The following SLC17A3 variants were observed in gnomAD, a reference collection of about 807,000 sequenced individuals.
SLC17A3 encodes the protein sodium-dependent phosphate transport protein 4.
In SLC17A3, 61 loss-of-function variants were observed where a neutral mutation model predicts 60.3. The ratio of observed to expected loss-of-function variants is 1.01; its 90% CI spans 0.82 to 1.25. SLC17A3 has a LOEUF of 1.25. Ranked by LOEUF, SLC17A3 falls within the 50% of genes most tolerant of loss-of-function variation. The pLI, the probability that SLC17A3 is intolerant of heterozygous loss-of-function variation, is 0.00. For synonymous variants in SLC17A3, 192 were observed against 208.9 expected, an observed-to-expected ratio of 0.92 and a Z score of 0.70; for missense variants, 624 against 594.9, an observed-to-expected ratio of 1.05 and a Z score of -0.51.
At chr6:25,850,919 C>A in intron 6 of SLC17A3, 42 bp from the exon 7 acceptor site, 1 of 1,443,522 alleles carries the variant, frequency 6.9e-7, no homozygotes, top group Non-Finnish European at 9.8e-7. Context: ...CTGTTTTCTG[C>A]TTTTTGGGTG....
chr6:25,861,986 A>T lies in SLC17A3; in HGVS notation c.347T>A (p.Phe116Tyr), dbSNP rs1389986664. Residue 116 changes from phenylalanine to tyrosine, a missense_variant, in exon 4 of 13, where the codon TTT becomes TAT. Coordinates refer to ENST00000397060, the MANE Select transcript of SLC17A3 (RefSeq NM_001098486.2). ...DWSPQIQGII[F>Y]GAVGYGGILT... ...TATGCCACCATAGCCAACAGCACCA[A>T]AGATGATGCCTTGGATTTGAGGAGA... The T allele has an allele frequency of 1.2e-6, 2 of 1,611,288 alleles. No homozygotes were observed. The highest frequency in any genetic ancestry group is 3.4e-5 in the Admixed American group (2 of 59,582).
At chr6:25,862,813 AAT>A (rs1280020527) in intron 2 of SLC17A3, among the ~76,000 whole-genome samples, 3 of 151,890 alleles carry the variant, frequency 2.0e-5, no homozygotes, top group African/African-American at 7.2e-5. Flanking sequence ...TATACATATG[AAT>A]ATGTGCACAT....
In SLC17A3 at chr6:25,845,539, A is replaced by G. The variant is rs1014510363; in HGVS notation, c.1363-23T>C. ...GTCCTGGAGACACAAAACCCCAAGT[A>G]TATATTACCCCTTTCATATTTTCCT... On this transcript the variant is annotated intron_variant, in intron 11 of 12. Transcript: ENST00000397060. 12 of 1,613,126 alleles carry G rather than the reference A, an allele frequency of 7.4e-6. No homozygotes were observed. In the African/African-American group the frequency reaches 1.3e-4, roughly 18 times the overall value.
In SLC17A3 at chr6:25,850,153, A is replaced by G. The variant is rs748196341; in HGVS notation, c.1018T>C (p.Phe340Leu). The change falls in exon 9 of 13, where the codon TTT (phenylalanine) becomes CTT (leucine). Residue 340 changes from phenylalanine (F) to leucine (L), a missense_variant. Transcript: ENST00000397060. ...RDNGLLSALP[F>L]IVAWVIGMVG... ...ATGCCTATGACCCAGGCAACAATAA[A>G]AGGAAGGGCAGATAGAAGTCCATTC... The G allele has an allele frequency of 6.2e-7, 1 of 1,613,682 alleles. No individual in the cohort carries two copies. The highest frequency in any genetic ancestry group is 8.5e-7 in the Non-Finnish European group (1 of 1,179,682).
chr6:25,872,183 C>T (rs1561862159), intron 1 of SLC17A3, among the ~76,000 whole-genome samples: 1 of 151,718 alleles, frequency 6.6e-6, no homozygotes, highest in Non-Finnish European at 1.5e-5. Flanking sequence ...TTATTGTAAG[C>T]TCCACTCTTG....
chr6:25,851,856 A>G (rs1765283200), intron 6 of SLC17A3, among the ~76,000 whole-genome samples: 1 of 152,128 alleles, frequency 6.6e-6, no homozygotes, highest in Non-Finnish European at 1.5e-5. Flanking sequence ...ATTTATTTTC[A>G]AAGGTGTTTG....
intron 5 of SLC17A3, among the ~76,000 whole-genome samples, chr6:25,857,130 A>C (rs1172392552): frequency 6.6e-6 from 1 of 152,050 alleles, no homozygotes; most frequent in East Asian, 1.9e-4. Context: ...TCAAGGCTGC[A>C]GTGAGCTGAG....
chr6:25,850,028 C>T lies in SLC17A3; in HGVS notation c.1123+20G>A, dbSNP rs1284822227. ...GTTGTATGCTACGCAAATTATCTGA[C>T]CCTCAAGCTCTGTTCTTACCTAAAA... On this transcript the variant is annotated intron_variant, in intron 9 of 12. Transcript: ENST00000397060. 1.2e-6 allele frequency: 2 copies of T among 1,613,830 alleles called. No homozygotes were observed. The highest frequency in any genetic ancestry group is 1.7e-6 in the Non-Finnish European group (2 of 1,179,848).
At chr6:25,847,418 G>A (rs1765196340) in intron 11 of SLC17A3, among the ~76,000 whole-genome samples, 2 of 152,120 alleles carry the variant, frequency 1.3e-5, no homozygotes. Context: ...ATTCTTTTGG[G>A]TATATACCCA....
Position 25,845,432 on chromosome 6 carries a change from C to T in SLC17A3, c.1447G>A (p.Glu483Lys), listed in dbSNP as rs781207922. 1 of 1,614,028 alleles carries T rather than the reference C, an allele frequency of 6.2e-7. No individual in the cohort carries two copies. The highest frequency in any genetic ancestry group is 2.2e-5 in the East Asian group (1 of 44,842). ...TTAGCCCATTCTTGGACATCTGCTTCTCCAAATATGAGGTAGAAGAGTAGT... is the reference window on the plus strand; with the variant it reads ...TTAGCCCATTCTTGGACATCTGCTTTTCCAAATATGAGGTAGAAGAGTAGT... ...LGLLFYLIFG[E>K]ADVQEWAKER... The change falls in exon 12 of 13, where the codon GAA (glutamate) becomes AAA (lysine). Residue 483 changes from glutamate to lysine, a missense_variant. Physicochemically the swap from Glu to Lys is moderately conservative, Grantham distance 56. Coordinates refer to ENST00000397060, the MANE Select transcript of SLC17A3 (RefSeq NM_001098486.2).
chr6:25,857,119 T>C (rs1001184476), intron 5 of SLC17A3, among the ~76,000 whole-genome samples: 3 of 151,682 alleles, frequency 2.0e-5, no homozygotes, highest in Non-Finnish European at 4.4e-5. Flanking sequence ...AGCCTAGGAG[T>C]TCAAGGCTGC....
rs766288858 is a variant in SLC17A3 at position 25,849,788 on chromosome 6, G to A, written c.1271+17C>T. 2.5e-6 allele frequency: 4 copies of A among 1,611,322 alleles called. No homozygotes were observed. In the African/African-American group the frequency reaches 5.3e-5, roughly 21 times the overall value. On this transcript the variant is annotated intron_variant, in intron 10 of 12. Transcript: ENST00000397060. ...TTAAAGAAAATGTGAAACTGATAGT[G>A]GAGATCAGAGTCCTACCTTGGAGCA... is the stretch of plus-strand genomic sequence containing the variant.
chr6:25,847,970 C>T (rs1179159552), intron 11 of SLC17A3, among the ~76,000 whole-genome samples: 1 of 152,142 alleles, frequency 6.6e-6, no homozygotes, highest in East Asian at 1.9e-4. Context: ...CAGTTTAGCT[C>T]CCACTTGTGA....
At chr6:25,873,109 G>A (rs1342955478) in intron 1 of SLC17A3, among the ~76,000 whole-genome samples, 1 of 152,076 alleles carries the variant, frequency 6.6e-6, no homozygotes, top group Non-Finnish European at 1.5e-5. Flanking sequence ...GGAAAGAGAA[G>A]TAATCTAGAG....
chr6:25,854,467 C>T (rs1765328126), intron 6 of SLC17A3, among the ~76,000 whole-genome samples: 1 of 152,178 alleles, frequency 6.6e-6, no homozygotes, highest in African/African-American at 2.4e-5. Flanking sequence ...ATCTTTGTTC[C>T]CTGGACTCTG....
intron 1 of SLC17A3, among the ~76,000 whole-genome samples, chr6:25,869,867 A>T (rs1372001984): frequency 6.6e-6 from 1 of 151,944 alleles, no homozygotes; most frequent in Non-Finnish European, 1.5e-5. Context: ...TAAAGTATGT[A>T]CTCACTTTTC....
chr6:25,846,476 T>A (rs1561852258), intron 11 of SLC17A3, among the ~76,000 whole-genome samples: 1 of 152,296 alleles, frequency 6.6e-6, no homozygotes, highest in East Asian at 1.9e-4. Flanking sequence ...TACTATATGA[T>A]TCCATTTCTA....
intron 6 of SLC17A3, among the ~76,000 whole-genome samples, chr6:25,853,542 C>T (rs940384194): frequency 6.6e-6 from 1 of 151,126 alleles, no homozygotes; most frequent in African/African-American, 2.4e-5. Flanking sequence ...CTCAGCCTCC[C>T]GAGTAGCTGG....
rs373633868 is a variant in SLC17A3, at chr6:25,862,064, C to T, written c.304-35G>A. On this transcript the variant is annotated intron_variant, in intron 3 of 12. Coordinates refer to ENST00000397060, the MANE Select transcript of SLC17A3 (RefSeq NM_001098486.2). ...ACAGAGAATGCTGTAGTAAACCTTA[C>T]ACAAAAAGGTTCTTACATACCCTAG... 4 of 1,520,566 alleles carry T rather than the reference C, an allele frequency of 2.6e-6. No homozygotes were observed. In the African/African-American group the frequency reaches 4.1e-5, roughly 16 times the overall value. 94.2% of individuals were successfully genotyped at this position (1,520,566 alleles called of 1,614,324 possible). A position where few individuals can be genotyped will look rare whatever the true frequency, so the allele number is the denominator to read the frequency against.
Sources: allele counts gnomAD v4.1 joint callset (sites outside exome capture counted in the v4.1 genomes callset), GRCh38; gene constraint gnomAD v4.1.1; transcripts MANE v1.5; gene names NCBI Gene and HGNC (gene_info 2026-07-23, HGNC 2026-07-21).